Variants in PCDH17 observed in about 807,000 individuals in gnomAD.
PCDH17 encodes the protein protocadherin-17.
PCDH17 carries 21 observed loss-of-function variants against 67.7 expected under a neutral mutation model. The ratio of observed to expected loss-of-function variants is 0.31; its 90% CI spans 0.22 to 0.45. PCDH17 has a LOEUF of 0.45. Ranked by LOEUF, PCDH17 falls within the 20% of genes least tolerant of loss-of-function variation. PCDH17 has a pLI of 1.00. For synonymous variants in PCDH17, 701 were observed against 656.7 expected (o/e 1.07, Z -1.03); for missense variants, 1,471 against 1,564.8 (o/e 0.94, Z 1.01).
chr13:57,688,393 T>C (rs1955526987), intron 3 of PCDH17, among the ~76,000 whole-genome samples: 1 of 152,052 alleles, frequency 6.6e-6, no homozygotes, highest in South Asian at 2.1e-4. Context: ...CTTTTGGTAC[T>C]AATTGACACA....
At chr13:57,722,491 AT>A (rs1955879312) in intron 3 of PCDH17, among the ~76,000 whole-genome samples, 1 of 152,260 alleles carries the variant, frequency 6.6e-6, no homozygotes. Flanking sequence ...TGTTGAAATG[AT>A]TTTTTTAACA....
At chr13:57,660,439 A>G (rs1329058022) in intron 1 of PCDH17, among the ~76,000 whole-genome samples, 1 of 152,236 alleles carries the variant, frequency 6.6e-6, no homozygotes, top group Non-Finnish European at 1.5e-5. Context: ...GAATATTAAA[A>G]AAATAACTTT....
At chr13:57,720,393 T>C (rs1955862842) in intron 3 of PCDH17, among the ~76,000 whole-genome samples, 1 of 152,160 alleles carries the variant, frequency 6.6e-6, no homozygotes, top group South Asian at 2.1e-4. Context: ...TGCTTATTGG[T>C]GCTTTTAGTC....
rs752994581 is a variant in PCDH17 at position 57,635,033 on chromosome 13, C to T, written c.2487C>T (p.His829=). ...ASNNLTVPQG[H]AGCHTSFTGQ... ...ACAACCTGACTGTCCCTCAGGGGCA[C>T]GCGGGCTGCCACACCAGCTTCACCG... Residue 829 remains histidine (H), a synonymous_variant, in exon 1 of 4, where the codon CAC becomes CAT. Transcript: ENST00000377918. 6.2e-7 allele frequency: 1 copy of T among 1,613,306 alleles called. No individual in the cohort carries two copies. Among genetic ancestry groups the T allele is most frequent in the Admixed American group, 1.7e-5 (1 of 60,012 alleles).
At chr13:57,675,656 T>A (rs1162007828) in intron 3 of PCDH17, among the ~76,000 whole-genome samples, 3 of 151,884 alleles carry the variant, frequency 2.0e-5, no homozygotes, top group Non-Finnish European at 4.4e-5. Context: ...ACAGATGACG[T>A]GAACCAGTGT....
chr13:57,651,807 A>G (rs1458381181), intron 1 of PCDH17, among the ~76,000 whole-genome samples: 1 of 152,164 alleles, frequency 6.6e-6, no homozygotes, highest in Non-Finnish European at 1.5e-5. Flanking sequence ...TGTATAAAGA[A>G]TATGATAAAT....
chr13:57,638,467 T>C (rs755338202), intron 1 of PCDH17, among the ~76,000 whole-genome samples: 2 of 152,066 alleles, frequency 1.3e-5, no homozygotes, highest in Non-Finnish European at 2.9e-5. Flanking sequence ...TTTGTAGCAC[T>C]ACTACAAATC....
intron 3 of PCDH17, among the ~76,000 whole-genome samples, chr13:57,674,507 T>G (rs1955364698): frequency 6.6e-6 from 1 of 151,824 alleles, no homozygotes; most frequent in South Asian, 2.1e-4. Context: ...CAAATTTATT[T>G]ATAGGTATGG....
At chr13:57,642,189 T>C (rs1174528432) in intron 1 of PCDH17, among the ~76,000 whole-genome samples, 1 of 151,774 alleles carries the variant, frequency 6.6e-6, no homozygotes, top group Non-Finnish European at 1.5e-5. Flanking sequence ...TATTTAACAC[T>C]TTTTAAACTT....
intron 3 of PCDH17, among the ~76,000 whole-genome samples, chr13:57,717,429 A>G (rs1249146995): frequency 6.6e-6 from 1 of 151,980 alleles, no homozygotes; most frequent in Non-Finnish European, 1.5e-5. Flanking sequence ...TGTGTGGTCA[A>G]TATATACGCC....
intron 3 of PCDH17, among the ~76,000 whole-genome samples, chr13:57,708,525 GC>G (rs1955742165): frequency 6.6e-6 from 1 of 151,928 alleles, no homozygotes; most frequent in South Asian, 2.1e-4. Flanking sequence ...TGTGCGTGAG[GC>G]AGACTTATTT....
intron 3 of PCDH17, among the ~76,000 whole-genome samples, chr13:57,697,733 G>T (rs1029068862): frequency 6.6e-6 from 1 of 150,830 alleles, no homozygotes; most frequent in Admixed American, 6.6e-5. Context: ...CACAGACTAT[G>T]TATCTTTAAT....
At chr13:57,664,969 A>G (rs915571017) in intron 1 of PCDH17, among the ~76,000 whole-genome samples, 1 of 152,296 alleles carries the variant, frequency 6.6e-6, no homozygotes, top group African/African-American at 2.4e-5. Context: ...AATTACTACA[A>G]TATATAAATA....
rs926623184 is a variant in PCDH17 at position 57,658,193 on chromosome 13, G to GA, written c.2566-8269dup. ...GAGGCAAATGTTTCTAGAACTTGCT[G>GA]AAAAAATGCTACATCTTTTCTTCCT... On this transcript the variant is annotated intron_variant, in intron 1 of 3. Transcript: ENST00000377918. Among the ~76,000 whole-genome samples the GA allele has an allele frequency of 1.5e-4, 23 of 152,212 alleles. No homozygotes were observed. The East Asian group carries it at 3.9e-3, about 26-fold the overall frequency.
At chr13:57,660,072 T>C (rs999126842) in intron 1 of PCDH17, among the ~76,000 whole-genome samples, 15 of 151,944 alleles carry the variant, frequency 9.9e-5, no homozygotes, top group Admixed American at 3.3e-4. Flanking sequence ...CCGTCTATAC[T>C]AAAGAAGAAA....
At chr13:57,662,711 C>T (rs183276787) in intron 1 of PCDH17, among the ~76,000 whole-genome samples, 104 of 152,130 alleles carry the variant, frequency 6.8e-4, no homozygotes, top group Non-Finnish European at 6.5e-4. Flanking sequence ...ATTGCATATC[C>T]TTAGGAATAG....
At chr13:57,666,372 G>T (rs1955253421) in intron 1 of PCDH17, 96 bp from the exon 2 acceptor site, 1 of 906,390 alleles carries the variant, frequency 1.1e-6, no homozygotes, top group South Asian at 1.5e-5. Context: ...GGGAATTTTT[G>T]AATTATTAAT....
chr13:57,724,593 T>G lies in PCDH17; in HGVS notation c.2798-19T>G, dbSNP rs1278684381. Reference sequence around the variant, plus strand: ...AAACTCTAATGATTGGATTTGCTGTTTTCTCTTTTGTTTTGCAGAACCAGA... The same window carrying G: ...AAACTCTAATGATTGGATTTGCTGTGTTCTCTTTTGTTTTGCAGAACCAGA... On this transcript the variant is annotated intron_variant, in intron 3 of 3. Coordinates refer to ENST00000377918, the MANE Select transcript of PCDH17 (RefSeq NM_001040429.3). The G allele has an allele frequency of 6.3e-7, 1 of 1,591,470 alleles. No homozygotes were observed. Among genetic ancestry groups the G allele is most frequent in the Non-Finnish European group, 8.6e-7 (1 of 1,164,892 alleles).
At chr13:57,701,339 G>A (rs1484660015) in intron 3 of PCDH17, among the ~76,000 whole-genome samples, 2 of 152,038 alleles carry the variant, frequency 1.3e-5, no homozygotes, top group South Asian at 2.1e-4. Flanking sequence ...GGAAAATAAC[G>A]TGTACGGTAG....
Sources: gnomAD v4.1 joint callset for allele counts (sites outside exome capture counted in the v4.1 genomes callset) on GRCh38, gnomAD v4.1.1 for gene constraint, MANE v1.5 for transcripts, NCBI Gene and HGNC (gene_info 2026-07-23, HGNC 2026-07-21) for gene names.